The following WNT7A variants were observed in gnomAD, a reference collection of about 807,000 sequenced individuals.
WNT7A encodes protein Wnt-7a.
WNT7A carries 16 observed loss-of-function variants against 28.2 expected under a neutral mutation model. That is an observed-to-expected ratio of 0.57 (90% confidence interval 0.38 to 0.86). The LOEUF (loss-of-function observed/expected upper bound fraction) is 0.86. WNT7A is among the 40% of genes least tolerant of loss of function. WNT7A has a pLI of 0.00. For missense variants in WNT7A, 411 were observed against 489.7 expected (o/e 0.84, Z 1.52); for synonymous variants, 190 against 195.9 (o/e 0.97, Z 0.25).
chr3:13,869,431 G>GA (rs1272225729), intron 2 of WNT7A, among the ~76,000 whole-genome samples: 9 of 77,772 alleles, frequency 1.2e-4, no homozygotes, highest in Non-Finnish European at 1.7e-4. Flanking sequence ...ACAAAGAAAA[G>GA]AAGAAAGAAA....
intron 2 of WNT7A, among the ~76,000 whole-genome samples, chr3:13,870,205 G>A (rs1695009635): frequency 6.6e-6 from 1 of 152,186 alleles, no homozygotes; most frequent in African/African-American, 2.4e-5. Context: ...TTTAGAGATA[G>A]GAACTTTAAA....
intron 1 of WNT7A, among the ~76,000 whole-genome samples, chr3:13,878,569 G>A (rs993976802): frequency 1.3e-5 from 2 of 152,166 alleles, no homozygotes; most frequent in Non-Finnish European, 2.9e-5. Flanking sequence ...ACCTGCTAGC[G>A]GCCGCGGCCG....
chr3:13,874,909 C>A, intron 2 of WNT7A, 38 bp downstream of exon 2: 1 of 1,605,344 alleles, frequency 6.2e-7, no homozygotes, highest in Non-Finnish European at 8.5e-7. Context: ...TCCCTAGAGC[C>A]GGTAAGACTC....
intron 3 of WNT7A, among the ~76,000 whole-genome samples, chr3:13,840,826 T>C (rs1694445846): frequency 6.6e-6 from 1 of 152,168 alleles, no homozygotes; most frequent in Non-Finnish European, 1.5e-5. Context: ...CATCCATCCA[T>C]CTATATATCC....
chr3:13,858,278 A>G (rs1694779056), intron 2 of WNT7A, among the ~76,000 whole-genome samples: 1 of 152,228 alleles, frequency 6.6e-6, no homozygotes, highest in African/African-American at 2.4e-5. Flanking sequence ...AAGGCGGGGC[A>G]GAAAGCCTGG....
chr3:13,853,047 C>A (rs1189397556), intron 3 of WNT7A, among the ~76,000 whole-genome samples: 1 of 152,104 alleles, frequency 6.6e-6, no homozygotes, highest in East Asian at 1.9e-4. Flanking sequence ...ATACCCAGCT[C>A]CTGACCCCAC....
intron 3 of WNT7A, 63 bp from the exon 4 acceptor site, chr3:13,819,486 C>G: frequency 6.4e-7 from 1 of 1,567,776 alleles, no homozygotes; most frequent in Non-Finnish European, 8.6e-7. Flanking sequence ...AAGTGCAGCC[C>G]CCAGCTCCCC....
chr3:13,833,285 C>T (rs908695105), intron 3 of WNT7A, among the ~76,000 whole-genome samples: 2 of 152,144 alleles, frequency 1.3e-5, no homozygotes, highest in African/African-American at 4.8e-5. Context: ...CACACAGGTG[C>T]TTCTCATGCC....
chr3:13,836,299 C>T (rs1005195625), intron 3 of WNT7A, among the ~76,000 whole-genome samples: 4 of 152,004 alleles, frequency 2.6e-5, no homozygotes, highest in Non-Finnish European at 4.4e-5. Flanking sequence ...ACAGGGGTGT[C>T]GGCCCTCGTG....
chr3:13,868,640 G>T (rs1187642642), intron 2 of WNT7A, among the ~76,000 whole-genome samples: 1 of 15,726 alleles, frequency 6.4e-5, no homozygotes, highest in Non-Finnish European at 1.2e-4. Flanking sequence ...GAAAGAGAGA[G>T]GAGAAAGAAA....
chr3:13,820,230 TCTC>T (rs1463167087), intron 3 of WNT7A, among the ~76,000 whole-genome samples: 1 of 152,186 alleles, frequency 6.6e-6, no homozygotes, highest in Non-Finnish European at 1.5e-5. Context: ...GCATTTTTAT[TCTC>T]CTTCATTCAG....
chr3:13,830,221 G>A (rs188855814), intron 3 of WNT7A, among the ~76,000 whole-genome samples: 1 of 152,266 alleles, frequency 6.6e-6, no homozygotes, highest in African/African-American at 2.4e-5. Context: ...CATGGTAAAG[G>A]TGGGCCCCGG....
chr3:13,852,906 C>T (rs1694663528), intron 3 of WNT7A, among the ~76,000 whole-genome samples: 1 of 152,120 alleles, frequency 6.6e-6, no homozygotes, highest in African/African-American at 2.4e-5. Flanking sequence ...GAAAGCCATC[C>T]CCAAAGGTCC....
chr3:13,835,347 G>A (rs1694349791), intron 3 of WNT7A, among the ~76,000 whole-genome samples: 1 of 152,254 alleles, frequency 6.6e-6, no homozygotes, highest in African/African-American at 2.4e-5. Flanking sequence ...TAGAACCAGA[G>A]AGAGAACGGG....
chr3:13,824,799 C>T lies in WNT7A; in HGVS notation c.571-5376G>A, dbSNP rs182296761. 4.6e-3 allele frequency among the ~76,000 whole-genome samples: 704 copies of T among 152,284 alleles called. 3 individuals carry two copies. Among genetic ancestry groups the T allele is most frequent in the South Asian group, 7.9e-3 (38 of 4,824 alleles). ...ATTCCACTACTGAATATGTACCCTGCGGGGAGGCTTGTGCTTGTGCAAGAT... is the reference window on the plus strand; with the variant it reads ...ATTCCACTACTGAATATGTACCCTGTGGGGAGGCTTGTGCTTGTGCAAGAT... On this transcript the variant is annotated intron_variant, in intron 3 of 3. Transcript: ENST00000285018.
chr3:13,878,958 C>T (rs944880078), intron 1 of WNT7A, among the ~76,000 whole-genome samples: 2 of 152,208 alleles, frequency 1.3e-5, no homozygotes, highest in Non-Finnish European at 2.9e-5. Flanking sequence ...CCCACCTCCA[C>T]AGAAACGCTA....
At chr3:13,868,787 A>AGGGAGGAC (rs2124874124) in intron 2 of WNT7A, among the ~76,000 whole-genome samples, 1 of 98,844 alleles carries the variant, frequency 1.0e-5, no homozygotes, top group African/African-American at 4.0e-5. Context: ...GGAGGAAGGA[A>AGGGAGGAC]GGAAGGGAGA....
At chr3:13,877,295 C>G (rs1284969757) in intron 1 of WNT7A, 1 of 152,296 alleles carries the variant, frequency 6.6e-6, no homozygotes, top group Non-Finnish European at 1.5e-5. Flanking sequence ...AGGTTGGGAC[C>G]TGGAGGAAGG....
intron 3 of WNT7A, among the ~76,000 whole-genome samples, chr3:13,828,755 G>T (rs1694235989): frequency 6.6e-6 from 1 of 152,170 alleles, no homozygotes; most frequent in African/African-American, 2.4e-5. Context: ...TCCTCTGCAG[G>T]GAGTGGTCAG....
Sources: gnomAD v4.1 joint callset for allele counts (sites outside exome capture counted in the v4.1 genomes callset) on GRCh38, gnomAD v4.1.1 for gene constraint, MANE v1.5 for transcripts, NCBI Gene and HGNC (gene_info 2026-07-23, HGNC 2026-07-21) for gene names.